The following ALK variants were observed in gnomAD, a reference collection of about 807,000 sequenced individuals.
ALK encodes the protein ALK receptor tyrosine kinase.
Under a neutral mutation model 163.1 loss-of-function variants are expected in ALK, and 74 were observed. The ratio of observed to expected loss-of-function variants is 0.45; its 90% CI spans 0.38 to 0.55. The LOEUF (loss-of-function observed/expected upper bound fraction) is 0.55. Among genes scored for constraint, ALK ranks in the 20% least tolerant of loss-of-function variants. ALK has a pLI of 0.00. For synonymous variants in ALK, 960 were observed against 843.2 expected, an observed-to-expected ratio of 1.14 and a Z score of -2.40; for missense variants, 2,063 against 2,105.3, an observed-to-expected ratio of 0.98 and a Z score of 0.39.
intron 3 of ALK, among the ~76,000 whole-genome samples, chr2:29,592,856 G>C (rs1215252435): frequency 6.6e-6 from 1 of 152,174 alleles, no homozygotes; most frequent in African/African-American, 2.4e-5. Flanking sequence ...AAGTCAAGGA[G>C]CTCCAGGAAC....
chr2:29,553,171 C>G (rs62131123), intron 3 of ALK, among the ~76,000 whole-genome samples: 1 of 151,914 alleles, frequency 6.6e-6, no homozygotes, highest in African/African-American at 2.4e-5. Context: ...TTTTGGGAAG[C>G]GATTTAGTCA....
chr2:29,803,132 T>G (rs962880201), intron 1 of ALK, among the ~76,000 whole-genome samples: 3 of 152,204 alleles, frequency 2.0e-5, no homozygotes, highest in Non-Finnish European at 2.9e-5. Context: ...CTCAGGGAGT[T>G]ACTCATTCTC....
At chr2:29,723,197 C>G (rs1252258395) in intron 1 of ALK, among the ~76,000 whole-genome samples, 1 of 152,190 alleles carries the variant, frequency 6.6e-6, no homozygotes, top group Non-Finnish European at 1.5e-5. Flanking sequence ...ACCATTTTCC[C>G]TCATTGCTGG....
Position 29,868,692 on chromosome 2 carries a change from A to G in ALK, c.667+51301T>C, listed in dbSNP as rs544027727. On this transcript the variant is annotated intron_variant, in intron 1 of 28. Coordinates refer to ENST00000389048, the MANE Select transcript of ALK (RefSeq NM_004304.5). ...AAATTTCCTCACTCTAACAAATCAT[A>G]CCTTCCTCCAAAGACGGCTACAAAA... Among the ~76,000 whole-genome samples, 10 of 152,272 alleles carry G rather than the reference A, an allele frequency of 6.6e-5. No homozygotes were observed. In the South Asian group the frequency reaches 1.5e-3, roughly 22 times the overall value.
chr2:29,717,536 T>C (rs763389354), intron 2 of ALK, 42 bp downstream of exon 2: 5 of 1,611,720 alleles, frequency 3.1e-6, no homozygotes, highest in African/African-American at 1.3e-5. Context: ...TATTATGAGA[T>C]AGTGACAGTG....
chr2:29,802,231 T>C (rs1321218840), intron 1 of ALK, among the ~76,000 whole-genome samples: 2 of 150,160 alleles, frequency 1.3e-5, no homozygotes, highest in Non-Finnish European at 3.0e-5. Flanking sequence ...AGCTTAGAGG[T>C]TGATTGCACT....
At chr2:29,444,697 A>G (rs112066119) in intron 4 of ALK, among the ~76,000 whole-genome samples, 4,580 of 152,324 alleles carry the variant, frequency 0.03, 94 homozygotes, top group South Asian at 0.094. Context: ...CATTTTATTA[A>G]ACTCAAAAGT....
At chr2:29,776,225 TAAAAAAAAAAA>T (rs58918857) in intron 1 of ALK, among the ~76,000 whole-genome samples, 13 of 131,192 alleles carry the variant, frequency 9.9e-5, no homozygotes, top group Non-Finnish European at 7.9e-5. Context: ...GGAATTTTGT[TAAAAAAAAAAA>T]AAAAAAAAAA....
In ALK at chr2:29,394,631, C is replaced by A. The variant is rs753221258; in HGVS notation, c.1155-10772G>T. ...ATTCCAGTGGGGGTTTTCCACTCCA[C>A]AAACTTGCCAGACAATCTTTCTGGC... is the stretch of plus-strand genomic sequence containing the variant. On this transcript the variant is annotated intron_variant, in intron 4 of 28. Transcript: ENST00000389048. Among the ~76,000 whole-genome samples, 160 of 152,286 alleles carry A rather than the reference C, an allele frequency of 1.1e-3. 1 individual carries two copies. The highest frequency in any genetic ancestry group is 6.8e-3 in the Middle Eastern group (2 of 294).
chr2:29,665,353 G>A (rs1173723532), intron 3 of ALK, among the ~76,000 whole-genome samples: 1 of 151,702 alleles, frequency 6.6e-6, no homozygotes, highest in Non-Finnish European at 1.5e-5. Context: ...TTCCCTATCT[G>A]ATGTTACTCT....
chr2:29,206,586 C>A (rs527702651), intron 26 of ALK, among the ~76,000 whole-genome samples: 77 of 152,194 alleles, frequency 5.1e-4, no homozygotes, highest in Non-Finnish European at 2.9e-5. Flanking sequence ...CCCCTACTTT[C>A]AATTTCTGGA....
chr2:29,886,918 G>C (rs753246993), intron 1 of ALK, among the ~76,000 whole-genome samples: 1 of 152,200 alleles, frequency 6.6e-6, no homozygotes, highest in Non-Finnish European at 1.5e-5. Context: ...GAAGGGAAGA[G>C]AAAGACTGAA....
chr2:29,235,856 CTTTTTTTTT>C (rs569363324), intron 13 of ALK, among the ~76,000 whole-genome samples: 1,277 of 38,276 alleles, frequency 0.033, 34 homozygotes, highest in African/African-American at 0.1. Flanking sequence ...CCAGGCTCGA[CTTTTTTTTT>C]TTTTTTTTTT....
chr2:29,804,354 G>A (rs1664557355), intron 1 of ALK, among the ~76,000 whole-genome samples: 2 of 152,198 alleles, frequency 1.3e-5, no homozygotes, highest in African/African-American at 4.8e-5. Context: ...TAAATATCTA[G>A]AATGGGCCTG....
chr2:29,600,218 T>C (rs749498845), intron 3 of ALK, among the ~76,000 whole-genome samples: 1 of 151,750 alleles, frequency 6.6e-6, no homozygotes, highest in Non-Finnish European at 1.5e-5. Flanking sequence ...GAAGATGAGC[T>C]CATAAACCAA....
chr2:29,891,510 A>G (rs1219573229), intron 1 of ALK, among the ~76,000 whole-genome samples: 1 of 152,234 alleles, frequency 6.6e-6, no homozygotes, highest in Non-Finnish European at 1.5e-5. Flanking sequence ...TAAAATCATC[A>G]TGGTCATAGA....
intron 1 of ALK, among the ~76,000 whole-genome samples, chr2:29,822,285 T>C (rs1665070265): frequency 6.6e-6 from 1 of 152,120 alleles, no homozygotes; most frequent in South Asian, 2.1e-4. Context: ...TCTTAGACCA[T>C]TACCTAGCAC....
intron 3 of ALK, among the ~76,000 whole-genome samples, chr2:29,688,696 G>T (rs967710657): frequency 6.6e-6 from 1 of 152,188 alleles, no homozygotes; most frequent in Non-Finnish European, 1.5e-5. Flanking sequence ...CCATGAGTGT[G>T]TGTCTGTGTC....
At chr2:29,333,483 G>A (rs988397798) in intron 5 of ALK, among the ~76,000 whole-genome samples, 1 of 152,016 alleles carries the variant, frequency 6.6e-6, no homozygotes, top group Non-Finnish European at 1.5e-5. Flanking sequence ...CCAACGTATC[G>A]ATTAGGTTCT....
Sources: allele counts gnomAD v4.1 joint callset (sites outside exome capture counted in the v4.1 genomes callset), GRCh38; gene constraint gnomAD v4.1.1; transcripts MANE v1.5; gene names NCBI Gene and HGNC (gene_info 2026-07-23, HGNC 2026-07-21).